MAF: variants seen among roughly 807,000 people sequenced by gnomAD.
MAF encodes MAF bZIP transcription factor, also known as transcription factor Maf.
MAF carries 10 observed loss-of-function variants against 22.0 expected under a neutral mutation model. That is an observed-to-expected ratio of 0.45 (90% confidence interval 0.28 to 0.77). The LOEUF (loss-of-function observed/expected upper bound fraction) is 0.77. Ranked by LOEUF, MAF falls within the 30% of genes least tolerant of loss-of-function variation. The pLI is 0.12. For synonymous variants in MAF, 337 were observed against 255.8 expected, an observed-to-expected ratio of 1.32 and a Z score of -3.03; for missense variants, 544 against 548.4, an observed-to-expected ratio of 0.99 and a Z score of 0.08.
chr16:79,312,818 T>A, the MAF span, among the ~76,000 whole-genome samples: 1 of 152,182 alleles, frequency 6.6e-6, no homozygotes, highest in Non-Finnish European at 1.5e-5. Context: ...TCAGATTGTC[T>A]TCGGCTACAT....
the MAF span, among the ~76,000 whole-genome samples, chr16:79,493,163 GT>G: frequency 6.8e-6 from 1 of 147,946 alleles, no homozygotes; most frequent in Non-Finnish European, 1.5e-5. Context: ...GTCTTGTTTT[GT>G]TTTGTTTTTT....
chr16:79,285,816 A>G, the MAF span, among the ~76,000 whole-genome samples: 1 of 152,226 alleles, frequency 6.6e-6, no homozygotes, highest in Non-Finnish European at 1.5e-5. Flanking sequence ...TGAGGTCTGC[A>G]CTGCCATTCT....
the MAF span, among the ~76,000 whole-genome samples, chr16:79,424,415 A>C: frequency 6.6e-6 from 1 of 152,148 alleles, no homozygotes; most frequent in African/African-American, 2.4e-5. Context: ...GTCCTCTCTA[A>C]GGTTGCATTA....
In MAF at chr16:79,599,431, C is replaced by A; in HGVS notation, c.472G>T (p.Gly158Cys). 1 of 1,219,870 alleles carries A rather than the reference C, an allele frequency of 8.2e-7. No individual in the cohort carries two copies. The highest frequency in any genetic ancestry group is 1.0e-6 in the Non-Finnish European group (1 of 983,214). 75.6% of individuals were successfully genotyped at this position (1,219,870 alleles called of 1,614,324 possible). A position where few individuals can be genotyped will look rare whatever the true frequency, so the allele number is the denominator to read the frequency against. The change falls in exon 1 of 2, where the codon GGC (glycine) becomes TGC (cysteine). Residue 158 changes from glycine (G) to cysteine (C), a missense_variant. This residue lies in a region of MAF where 342 missense variants were observed against 315.5 expected (regional missense o/e 1.08). Transcript: ENST00000326043. ...GCGGACACCACGGCGGCGGCGGGGC[C>A]CATCTCCTCGCCGCTGCCGCCCAAG... Reference protein sequence around the residue: ...ASLGGSGEEMGPAAAVVSAVI... With the variant: ...ASLGGSGEEMCPAAAVVSAVI...
chr16:79,579,372 A>T, the MAF span, among the ~76,000 whole-genome samples: 19 of 152,314 alleles, frequency 1.2e-4, 1 homozygote, highest in African/African-American at 4.6e-4. Context: ...GAAACAAAAC[A>T]CATATATATT....
downstream of MAF, among the ~76,000 whole-genome samples, chr16:79,592,029 G>A (rs548314503): frequency 1.3e-5 from 2 of 152,338 alleles, no homozygotes; most frequent in African/African-American, 4.8e-5. Context: ...TAGGTCTGAC[G>A]TTAGCCACGG....
At chr16:79,467,190 T>A in the MAF span, among the ~76,000 whole-genome samples, 21 of 152,130 alleles carry the variant, frequency 1.4e-4, no homozygotes, top group Admixed American at 1.4e-3. Context: ...TTCTTACTTG[T>A]TCCTCCCTCC....
At chr16:79,574,232 G>A in the MAF span, among the ~76,000 whole-genome samples, 1 of 152,210 alleles carries the variant, frequency 6.6e-6, no homozygotes, top group East Asian at 1.9e-4. Context: ...GTCTGACAGT[G>A]TGCGATCAAG....
At chr16:79,579,522 T>G in the MAF span, among the ~76,000 whole-genome samples, 1 of 152,030 alleles carries the variant, frequency 6.6e-6, no homozygotes, top group Non-Finnish European at 1.5e-5. Context: ...ACTTTGATTA[T>G]AAATTACAAG....
the MAF span, among the ~76,000 whole-genome samples, chr16:79,487,489 G>T: frequency 2.0e-5 from 3 of 151,994 alleles, no homozygotes; most frequent in Non-Finnish European, 2.9e-5. Flanking sequence ...TTAAGTAAAA[G>T]AACCTAAATG....
At chr16:79,337,203 G>A in the MAF span, among the ~76,000 whole-genome samples, 2 of 152,116 alleles carry the variant, frequency 1.3e-5, no homozygotes, top group Non-Finnish European at 2.9e-5. Flanking sequence ...TGTGGATACC[G>A]TGGCCTCCTT....
At chr16:79,473,735 G>C in the MAF span, among the ~76,000 whole-genome samples, 1 of 152,076 alleles carries the variant, frequency 6.6e-6, no homozygotes. Context: ...ATAAAAATAA[G>C]TACTTAACCG....
At chr16:79,296,807 C>G in the MAF span, among the ~76,000 whole-genome samples, 1 of 152,148 alleles carries the variant, frequency 6.6e-6, no homozygotes, top group African/African-American at 2.4e-5. Flanking sequence ...GACCACCTAG[C>G]ATTACCCTCT....
the MAF span, among the ~76,000 whole-genome samples, chr16:79,443,100 T>C: frequency 1.3e-5 from 2 of 151,910 alleles, no homozygotes; most frequent in African/African-American, 4.8e-5. Flanking sequence ...TGGAGGGACT[T>C]TTCAAATAAA....
chr16:79,532,132 G>C, the MAF span, among the ~76,000 whole-genome samples: 2 of 152,170 alleles, frequency 1.3e-5, no homozygotes, highest in African/African-American at 4.8e-5. Context: ...ATTTCAAATT[G>C]AACTGGGCAT....
the MAF span, among the ~76,000 whole-genome samples, chr16:79,304,932 A>G: frequency 6.6e-6 from 1 of 152,124 alleles, no homozygotes; most frequent in Non-Finnish European, 1.5e-5. Flanking sequence ...CTTAATAATA[A>G]ATAGGGAGTT....
At chr16:79,459,999 C>G in the MAF span, among the ~76,000 whole-genome samples, 1 of 152,154 alleles carries the variant, frequency 6.6e-6, no homozygotes, top group Admixed American at 6.5e-5. Context: ...AAATATTCAT[C>G]CCTTTCACCA....
At chr16:79,558,548 G>C in the MAF span, among the ~76,000 whole-genome samples, 2 of 152,290 alleles carry the variant, frequency 1.3e-5, no homozygotes, top group East Asian at 3.9e-4. Context: ...AGGGAAGATT[G>C]GCATCAGACT....
chr16:79,240,487 GAAAAAA>G, the MAF span, among the ~76,000 whole-genome samples: 176 of 60,722 alleles, frequency 2.9e-3, no homozygotes, highest in Admixed American at 3.9e-3. Context: ...AGCATCTCTG[GAAAAAA>G]AAAAAAAAAA....
Sources: allele counts gnomAD v4.1 joint callset (sites outside exome capture counted in the v4.1 genomes callset), GRCh38; gene constraint gnomAD v4.1.1; regional missense constraint gnomAD v4.1.1; transcripts MANE v1.5; gene names NCBI Gene and HGNC (gene_info 2026-07-23, HGNC 2026-07-21).